Variants in MLIP observed in about 807,000 individuals in gnomAD.
MLIP encodes the protein muscular LMNA interacting protein.
Under a neutral mutation model 84.8 loss-of-function variants are expected in MLIP, and 79 were observed. That is an observed-to-expected ratio of 0.93 (90% CI 0.78 to 1.12). The LOEUF (loss-of-function observed/expected upper bound fraction) is 1.12. Ranked by LOEUF, MLIP falls within the 50% of genes most tolerant of loss-of-function variation. The pLI is 0.00. For synonymous variants in MLIP, 504 were observed against 463.0 expected, an observed-to-expected ratio of 1.09 and a Z score of -1.14; for missense variants, 1,257 against 1,160.6, an observed-to-expected ratio of 1.08 and a Z score of -1.21.
chr6:54,137,809 C>G lies in MLIP; in HGVS notation c.1740C>G (p.His580Gln), dbSNP rs1397157320. Residue 580 changes from histidine to glutamine, a missense_variant, in exon 4 of 14, where the codon CAC (histidine) becomes CAG (glutamine). Transcript: ENST00000502396. Reference sequence around the variant, plus strand: ...GTCCAGAAAACCCCAGAAACATTCACACGTACCCTTCTACATTAGCCTCCT... The same window carrying G: ...GTCCAGAAAACCCCAGAAACATTCAGACGTACCCTTCTACATTAGCCTCCT... ...LRGPENPRNI[H>Q]TYPSTLASSA... is the part of the protein sequence containing the mutation. 1 of 1,536,116 alleles carries G rather than the reference C, an allele frequency of 6.5e-7. No homozygotes were observed. Among genetic ancestry groups the G allele is most frequent in the Non-Finnish European group, 8.7e-7 (1 of 1,146,912 alleles).
intron 3 of MLIP, among the ~76,000 whole-genome samples, chr6:54,136,145 C>G (rs943800243): frequency 6.6e-6 from 1 of 152,182 alleles, no homozygotes; most frequent in Non-Finnish European, 1.5e-5. Flanking sequence ...TGCTTTCACT[C>G]TCTCAATTTA....
intron 1 of MLIP, among the ~76,000 whole-genome samples, chr6:54,032,656 A>T (rs1248103243): frequency 6.6e-6 from 1 of 152,106 alleles, no homozygotes; most frequent in Admixed American, 6.6e-5. Context: ...TGGGTTTAAG[A>T]GATCCTCCTG....
chr6:54,231,567 G>A (rs1427409043), intron 12 of MLIP, among the ~76,000 whole-genome samples: 2 of 151,864 alleles, frequency 1.3e-5, no homozygotes, highest in Non-Finnish European at 2.9e-5. Context: ...ATGTTTTCTA[G>A]GAACAAGCAA....
chr6:54,172,737 A>T (rs1245466885), intron 9 of MLIP, among the ~76,000 whole-genome samples: 2 of 151,514 alleles, frequency 1.3e-5, no homozygotes, highest in African/African-American at 2.4e-5. Context: ...TAAACAAAGA[A>T]AATCAACTCA....
chr6:54,197,468 G>T (rs1291833177), intron 10 of MLIP, among the ~76,000 whole-genome samples: 2 of 152,038 alleles, frequency 1.3e-5, no homozygotes, highest in Non-Finnish European at 2.9e-5. Context: ...TTTCAGAGTT[G>T]CAAAACAGCT....
intron 1 of MLIP, among the ~76,000 whole-genome samples, chr6:54,034,634 C>A (rs1764324396): frequency 6.6e-6 from 1 of 151,910 alleles, no homozygotes; most frequent in Non-Finnish European, 1.5e-5. Context: ...TACAATGTAT[C>A]TGTTTTAAGC....
chr6:54,160,844 A>C (rs1383559283), intron 8 of MLIP, 45 bp downstream of exon 8: 1 of 1,513,600 alleles, frequency 6.6e-7, no homozygotes, highest in Admixed American at 1.8e-5. Flanking sequence ...AAGATTTATT[A>C]GATCAATGAT....
At chr6:54,226,675 G>A (rs1322986872) in intron 11 of MLIP, among the ~76,000 whole-genome samples, 2 of 148,978 alleles carry the variant, frequency 1.3e-5, no homozygotes, top group East Asian at 2.0e-4. Context: ...CAAAACAGAG[G>A]AAACACTATT....
At chr6:54,227,798 G>T (rs555247665) in intron 11 of MLIP, among the ~76,000 whole-genome samples, 1 of 152,142 alleles carries the variant, frequency 6.6e-6, no homozygotes, top group Admixed American at 6.5e-5. Flanking sequence ...TTGGAAATTG[G>T]CTTCCATATA....
intron 3 of MLIP, among the ~76,000 whole-genome samples, chr6:54,134,434 A>G (rs1488776723): frequency 2.0e-5 from 3 of 151,968 alleles, no homozygotes; most frequent in Non-Finnish European, 4.4e-5. Flanking sequence ...TGTTGCATAT[A>G]CTTATTAATA....
At chr6:54,039,363 G>A (rs1309753830) in intron 1 of MLIP, among the ~76,000 whole-genome samples, 1 of 151,906 alleles carries the variant, frequency 6.6e-6, no homozygotes, top group South Asian at 2.1e-4. Flanking sequence ...AGAGGAATAA[G>A]TATGTTGGAT....
intron 12 of MLIP, among the ~76,000 whole-genome samples, chr6:54,248,949 A>C (rs1782271061): frequency 6.6e-6 from 1 of 152,130 alleles, no homozygotes; most frequent in African/African-American, 2.4e-5. Context: ...TACACAAAAG[A>C]ATGTAGTGAA....
intron 1 of MLIP, among the ~76,000 whole-genome samples, chr6:54,105,889 G>C (rs1768975865): frequency 1.3e-5 from 2 of 152,120 alleles, no homozygotes; most frequent in African/African-American, 4.8e-5. Flanking sequence ...AAGATCATTG[G>C]GCTATAGGTT....
At chr6:54,245,783 C>T (rs902704483) in intron 12 of MLIP, among the ~76,000 whole-genome samples, 5 of 152,088 alleles carry the variant, frequency 3.3e-5, no homozygotes, top group African/African-American at 4.8e-5. Context: ...CTAGTTGTCT[C>T]ATTGCCGTAA....
rs1476572442 is a variant in MLIP, at chr6:54,065,280, T to C, written c.63+46189T>C. Among the ~76,000 whole-genome samples, 11 of 100,422 alleles carry C rather than the reference T, an allele frequency of 1.1e-4. 1 individual carries two copies. The highest frequency in any genetic ancestry group is 2.8e-4 in the African/African-American group (11 of 39,224). The allele number at this position is 100,422 out of a possible 152,430, so 65.9% of individuals were successfully genotyped here. ...GTACCTGATAAATTCTTATATGTGTTTCCTATTGTTATTAGGACTAAATTA... is the reference window on the plus strand; with the variant it reads ...GTACCTGATAAATTCTTATATGTGTCTCCTATTGTTATTAGGACTAAATTA... On this transcript the variant is annotated intron_variant, in intron 1 of 12. Transcript: ENST00000274897.
chr6:54,191,473 TG>T (rs998923939), intron 10 of MLIP, among the ~76,000 whole-genome samples: 3 of 152,000 alleles, frequency 2.0e-5, no homozygotes, highest in African/African-American at 4.8e-5. Context: ...AGTGTGTGTG[TG>T]GGGGGGCAAT....
chr6:54,168,997 A>T (rs975138630), intron 8 of MLIP, among the ~76,000 whole-genome samples: 1 of 151,642 alleles, frequency 6.6e-6, no homozygotes, highest in Non-Finnish European at 1.5e-5. Flanking sequence ...AAGGTCAGTG[A>T]TTTGGAAGTC....
intron 11 of MLIP, among the ~76,000 whole-genome samples, chr6:54,205,710 T>C (rs143454841): frequency 6.6e-6 from 1 of 152,224 alleles, no homozygotes; most frequent in Non-Finnish European, 1.5e-5. Flanking sequence ...CGAAATTTAC[T>C]AGCCAACAAC....
chr6:54,212,041 A>C (rs1038771086), intron 11 of MLIP, among the ~76,000 whole-genome samples: 1 of 152,190 alleles, frequency 6.6e-6, no homozygotes, highest in African/African-American at 2.4e-5. Flanking sequence ...ATATTGTCCC[A>C]TGTAGCTTCT....
Sources: gnomAD v4.1 joint callset for allele counts (sites outside exome capture counted in the v4.1 genomes callset) on GRCh38, gnomAD v4.1.1 for gene constraint, MANE v1.5 for transcripts, NCBI Gene and HGNC (gene_info 2026-07-23, HGNC 2026-07-21) for gene names.